JAZF1: variants seen among roughly 807,000 people sequenced by gnomAD.
JAZF1 encodes the protein juxtaposed with another zinc finger protein 1.
JAZF1 carries 8 observed loss-of-function variants against 26.4 expected under a neutral mutation model. The ratio of observed to expected loss-of-function variants is 0.30; its 90% CI spans 0.18 to 0.55. The LOEUF (loss-of-function observed/expected upper bound fraction) is 0.55. Ranked by LOEUF, JAZF1 falls within the 20% of genes least tolerant of loss-of-function variation. JAZF1 has a pLI of 0.94. For missense variants in JAZF1, 199 were observed against 322.0 expected (o/e 0.62, Z 2.92); for synonymous variants, 126 against 122.3 (o/e 1.03, Z -0.20).
chr7:27,848,575 G>A (rs1208091888), intron 3 of JAZF1, among the ~76,000 whole-genome samples: 1 of 152,226 alleles, frequency 6.6e-6, no homozygotes, highest in Non-Finnish European at 1.5e-5. Flanking sequence ...GACACTGGGT[G>A]AGTGCGACAG....
chr7:28,036,288 T>TA, intron 1 of JAZF1, among the ~76,000 whole-genome samples: 1 of 152,394 alleles, frequency 6.6e-6, no homozygotes, highest in Non-Finnish European at 1.5e-5. Context: ...GTCAGTCTGA[T>TA]AAACACTGAT....
intron 2 of JAZF1, among the ~76,000 whole-genome samples, chr7:27,975,331 A>G (rs1785451211): frequency 6.6e-6 from 1 of 152,112 alleles, no homozygotes; most frequent in South Asian, 2.1e-4. Flanking sequence ...CACCAAGGGG[A>G]TAGTGCTAAA....
chr7:27,926,109 C>G (rs1784598269), intron 2 of JAZF1, among the ~76,000 whole-genome samples: 2 of 152,166 alleles, frequency 1.3e-5, no homozygotes, highest in African/African-American at 4.8e-5. Flanking sequence ...TAAGGACAGG[C>G]TCAAGATGGA....
At chr7:27,875,098 C>T (rs921447440) in intron 3 of JAZF1, among the ~76,000 whole-genome samples, 1 of 152,134 alleles carries the variant, frequency 6.6e-6, no homozygotes, top group Non-Finnish European at 1.5e-5. Flanking sequence ...TGTCTTGATT[C>T]TAAAAGATAG....
intron 1 of JAZF1, among the ~76,000 whole-genome samples, chr7:28,002,398 T>C (rs555011425): frequency 5.4e-4 from 82 of 152,322 alleles, no homozygotes; most frequent in African/African-American, 1.8e-3. Context: ...CTCCAAGGCT[T>C]ACTATGACAA....
At chr7:27,924,328 G>A (rs565309262) in intron 2 of JAZF1, among the ~76,000 whole-genome samples, 6 of 152,140 alleles carry the variant, frequency 3.9e-5, no homozygotes, top group East Asian at 1.9e-4. Context: ...CACCCGCCTC[G>A]GCCTCCTAAA....
chr7:28,150,427 AT>A (rs1487161347), intron 1 of JAZF1, among the ~76,000 whole-genome samples: 1 of 152,240 alleles, frequency 6.6e-6, no homozygotes, highest in Non-Finnish European at 1.5e-5. Flanking sequence ...CATTATCTTC[AT>A]TTTGTAAAAG....
At chr7:27,991,736 A>G (rs1179500494) in intron 2 of JAZF1, among the ~76,000 whole-genome samples, 173 bp downstream of exon 2, 2 of 152,194 alleles carry the variant, frequency 1.3e-5, no homozygotes, top group Non-Finnish European at 2.9e-5. Flanking sequence ...TTACAATTCA[A>G]CTTCTCCCTA....
chr7:28,129,761 G>C (rs1486013053), intron 1 of JAZF1, among the ~76,000 whole-genome samples: 1 of 152,044 alleles, frequency 6.6e-6, no homozygotes, highest in African/African-American at 2.4e-5. Flanking sequence ...AAAAACAAAA[G>C]GGAGAAAGTA....
chr7:27,946,739 T>C (rs1333585487), intron 2 of JAZF1, among the ~76,000 whole-genome samples: 1 of 152,198 alleles, frequency 6.6e-6, no homozygotes, highest in African/African-American at 2.4e-5. Flanking sequence ...CTGTCTTATG[T>C]TGTAGCTGTA....
chr7:28,056,732 T>C (rs1170190330), intron 1 of JAZF1, among the ~76,000 whole-genome samples: 1 of 136,428 alleles, frequency 7.3e-6, no homozygotes, highest in Non-Finnish European at 1.6e-5. Flanking sequence ...CTCTTTGTCT[T>C]CTTCATCCTA....
chr7:28,159,456 A>G (rs1009251618), intron 1 of JAZF1, among the ~76,000 whole-genome samples: 3 of 151,990 alleles, frequency 2.0e-5, no homozygotes, highest in African/African-American at 7.3e-5. Context: ...GGTGCAGCAC[A>G]GGAGCAGAGA....
At chr7:28,056,434 CTA>C (rs1783709683) in intron 1 of JAZF1, among the ~76,000 whole-genome samples, 1 of 95,216 alleles carries the variant, frequency 1.1e-5, no homozygotes. Flanking sequence ...ATTTCAACAA[CTA>C]CACACACACA....
chr7:28,047,697 T>C (rs1002967294), intron 1 of JAZF1, among the ~76,000 whole-genome samples: 3 of 152,164 alleles, frequency 2.0e-5, no homozygotes, highest in African/African-American at 7.2e-5. Flanking sequence ...TTGCTTCTGA[T>C]ATTTATCATA....
At chr7:27,992,085 T>C (rs73089199) in intron 1 of JAZF1, 104 bp from the exon 2 acceptor site, 188,408 of 765,536 alleles carry the variant, frequency 0.25, 25,515 homozygotes, top group East Asian at 0.51. Context: ...AAGATTAATT[T>C]AGTACACCAC....
At chr7:28,152,448 C>T (rs902008030) in intron 1 of JAZF1, among the ~76,000 whole-genome samples, 5 of 152,184 alleles carry the variant, frequency 3.3e-5, no homozygotes, top group African/African-American at 1.2e-4. Flanking sequence ...CCAGTTACCC[C>T]ACTGTGCTAC....
chr7:28,018,842 G>A (rs1395204263), intron 1 of JAZF1, among the ~76,000 whole-genome samples: 1 of 152,204 alleles, frequency 6.6e-6, no homozygotes, highest in East Asian at 1.9e-4. Context: ...ACATTTTACA[G>A]CTGCTGCGAG....
intron 1 of JAZF1, among the ~76,000 whole-genome samples, chr7:28,138,756 G>A (rs758934882): frequency 6.6e-6 from 1 of 152,190 alleles, no homozygotes; most frequent in Non-Finnish European, 1.5e-5. Context: ...AACTGTAGAC[G>A]TCGAGTGCTG....
chr7:28,064,549 A>T (rs1412339367), intron 1 of JAZF1, among the ~76,000 whole-genome samples: 1 of 152,210 alleles, frequency 6.6e-6, no homozygotes, highest in Non-Finnish European at 1.5e-5. Context: ...GTTTAAACTA[A>T]TATCAATATA....
Sources: gnomAD v4.1 joint callset for allele counts (sites outside exome capture counted in the v4.1 genomes callset) on GRCh38, gnomAD v4.1.1 for gene constraint, MANE v1.5 for transcripts, NCBI Gene and HGNC (gene_info 2026-07-23, HGNC 2026-07-21) for gene names.